The following PADI1 variants were observed in gnomAD, a reference collection of about 807,000 sequenced individuals.
PADI1 encodes the protein peptidyl arginine deiminase 1.
A neutral mutation model predicts 74.8 loss-of-function variants in PADI1; 65 were observed. The ratio of observed to expected loss-of-function variants is 0.87; its 90% CI spans 0.71 to 1.07. PADI1 has a LOEUF of 1.07. Ranked by LOEUF, PADI1 falls within the 50% of genes least tolerant of loss-of-function variation. The pLI is 0.00. For synonymous variants in PADI1, 371 were observed against 336.2 expected (o/e 1.10, Z -1.13); for missense variants, 943 against 854.0 (o/e 1.10, Z -1.30).
chr1:17,228,292 A>T (rs2072381198), intron 6 of PADI1, among the ~76,000 whole-genome samples: 1 of 152,160 alleles, frequency 6.6e-6, no homozygotes, highest in African/African-American at 2.4e-5. Context: ...ATTACTTTTT[A>T]CGAATTAATA....
chr1:17,231,937 GTGTTTGTT>G (rs67734137), intron 10 of PADI1, among the ~76,000 whole-genome samples: 14 of 150,834 alleles, frequency 9.3e-5, no homozygotes, highest in African/African-American at 2.4e-4. Context: ...AAAAAAACAC[GTGTTTGTT>G]TGTTTGTTTT....
At chr1:17,205,971 C>T (rs1478084605) in intron 1 of PADI1, among the ~76,000 whole-genome samples, 1 of 152,174 alleles carries the variant, frequency 6.6e-6, no homozygotes, top group Non-Finnish European at 1.5e-5. Flanking sequence ...GTAGCATTTG[C>T]TTCTCCTGTT....
At chr1:17,206,544 G>C (rs2071687002) in intron 1 of PADI1, among the ~76,000 whole-genome samples, 1 of 152,176 alleles carries the variant, frequency 6.6e-6, no homozygotes, top group African/African-American at 2.4e-5. Context: ...GCCAGATTTA[G>C]CAAATAAAAA....
chr1:17,235,993 T>C (rs1030222643), intron 11 of PADI1, among the ~76,000 whole-genome samples: 3 of 152,112 alleles, frequency 2.0e-5, no homozygotes, highest in Non-Finnish European at 4.4e-5. Flanking sequence ...CTTTGGTGGA[T>C]AGATAGGACC....
chr1:17,211,338 G>A (rs566249656), intron 1 of PADI1, among the ~76,000 whole-genome samples: 22 of 152,160 alleles, frequency 1.4e-4, no homozygotes, highest in Admixed American at 5.9e-4. Flanking sequence ...ACCATGCCCA[G>A]CTAGTTTTTT....
In PADI1 at chr1:17,226,178, C is replaced by CT; in HGVS notation, c.652+24dup. 1.2e-6 allele frequency: 2 copies of CT among 1,613,484 alleles called. No individual in the cohort carries two copies. Among genetic ancestry groups the CT allele is most frequent in the African/African-American group, 1.3e-5 (1 of 75,042 alleles). On this transcript the variant is annotated intron_variant, in intron 6 of 15. Transcript: ENST00000375471. ...CCAGGGGTGAGTGGCCTGATGGGGC[C>CT]TTTTCCTCCCAGCTCCATCCATATC...
In PADI1 at chr1:17,230,213, G is replaced by A. The variant is rs2072447842; in HGVS notation, c.1053+5G>A. ...CGAAATGACCGCTGGATCCAGGTGG[G>A]AGCTGGGGGCAGCTCGGGAAGCCTG... On this transcript the variant is annotated splice_donor_5th_base_variant and intron_variant, in intron 9 of 15. Coordinates refer to ENST00000375471, the MANE Select transcript of PADI1 (RefSeq NM_013358.3). The A allele has an allele frequency of 6.2e-7, 1 of 1,612,820 alleles. No individual in the cohort carries two copies. The highest frequency in any genetic ancestry group is 1.3e-5 in the African/African-American group (1 of 74,928).
chr1:17,224,869 G>T (rs1197467079), intron 4 of PADI1, among the ~76,000 whole-genome samples: 1 of 151,994 alleles, frequency 6.6e-6, no homozygotes, highest in Non-Finnish European at 1.5e-5. Context: ...GACAGAGTGG[G>T]CTCAAGGCGT....
At chr1:17,223,997 C>A (rs958563221) in intron 3 of PADI1, among the ~76,000 whole-genome samples, 1 of 152,264 alleles carries the variant, frequency 6.6e-6, no homozygotes, top group Non-Finnish European at 1.5e-5. Context: ...CAGCACGGAA[C>A]GTGCCCCCTT....
intron 12 of PADI1, 72 bp from the exon 13 acceptor site, chr1:17,238,537 CTCCTGAG>C: frequency 1.5e-6 from 1 of 667,296 alleles, no homozygotes; most frequent in Non-Finnish European, 2.3e-6. Context: ...TGTCAGGCCC[CTCCTGAG>C]TCCTGAGTCT....
Position 17,229,021 on chromosome 1 carries a change from C to G in PADI1, c.899C>G (p.Thr300Ser). Residue 300 changes from threonine to serine, a missense_variant, in exon 8 of 16, where the codon ACT (threonine) becomes AGT (serine). By Grantham distance (58) the Thr-to-Ser change is moderately conservative. Transcript: ENST00000375471. ...GCCCCCTGGATCATGACGCCCAACACTCAGCCTCCTGAGGAGCTGTATGTG... is the reference window on the plus strand; with the variant it reads ...GCCCCCTGGATCATGACGCCCAACAGTCAGCCTCCTGAGGAGCTGTATGTG... ...RMAPWIMTPNTQPPEELYVCR... is the reference protein window; with the variant it reads ...RMAPWIMTPNSQPPEELYVCR... 6.3e-7 allele frequency: 1 copy of G among 1,580,936 alleles called. No homozygotes were observed. The highest frequency in any genetic ancestry group is 8.6e-7 in the Non-Finnish European group (1 of 1,162,030).
intron 1 of PADI1, among the ~76,000 whole-genome samples, chr1:17,212,827 A>G (rs1194738039): frequency 6.6e-6 from 1 of 152,182 alleles, no homozygotes; most frequent in Non-Finnish European, 1.5e-5. Context: ...AGACAAGGAC[A>G]AGAAGATCAC....
At chr1:17,238,767 G>T in intron 13 of PADI1, 58 bp downstream of exon 13, 1 of 865,058 alleles carries the variant, frequency 1.2e-6, no homozygotes, top group South Asian at 2.3e-5. Flanking sequence ...CACCATCCTT[G>T]GGTACAGCCC....
chr1:17,220,975 G>A (rs572820116), intron 1 of PADI1, among the ~76,000 whole-genome samples: 16 of 152,354 alleles, frequency 1.1e-4, no homozygotes, highest in African/African-American at 3.8e-4. Flanking sequence ...GGAGCAGCTG[G>A]TGGTGTGAGG....
rs2072857451 is a variant in PADI1, at chr1:17,245,111, G to A, written c.*868G>A. The A allele has an allele frequency of 6.5e-6, 1 of 153,292 alleles. No homozygotes were observed. Among genetic ancestry groups the A allele is most frequent in the African/African-American group, 2.4e-5 (1 of 41,446 alleles). The allele number at this position is 153,292 out of a possible 1,614,324, so 9.5% of individuals were successfully genotyped here. ...TGGGATTTTGGACTCTGGATTTGAA[G>A]GGAGCTGGAGCTTCCAGATGTAGCA... On this transcript the variant is annotated 3_prime_UTR_variant, in exon 16 of 16. Coordinates refer to ENST00000375471, the MANE Select transcript of PADI1 (RefSeq NM_013358.3). This position sits in a 1 kb window ranked among gnomAD's most constrained non-coding sequence, Gnocchi z 4.1.
At position 17,238,786 on chromosome 1, in the gene PADI1, G is replaced by T. The variant is rs1026863589; in HGVS notation, c.1552+77G>T. ...ATCCTTGGGTACAGCCCCTGCACCT[G>T]CAGATCTCTCAGCTGGACTCAGAAC... is the stretch of plus-strand genomic sequence containing the variant. On this transcript the variant is annotated intron_variant, in intron 13 of 15. Coordinates refer to ENST00000375471, the MANE Select transcript of PADI1 (RefSeq NM_013358.3). 24 of 654,798 alleles carry T rather than the reference G, an allele frequency of 3.7e-5. No homozygotes were observed. The Admixed American group carries it at 7.0e-4, about 19-fold the overall frequency. The allele number at this position is 654,798 out of a possible 1,614,324, so 40.6% of individuals were successfully genotyped here.
intron 1 of PADI1, among the ~76,000 whole-genome samples, chr1:17,214,333 C>T (rs1480830786): frequency 6.6e-6 from 1 of 152,046 alleles, no homozygotes; most frequent in Non-Finnish European, 1.5e-5. Context: ...GCAAAAGACC[C>T]CCCTGCCCCC....
chr1:17,219,124 G>A (rs2100431561), intron 1 of PADI1, among the ~76,000 whole-genome samples: 1 of 152,330 alleles, frequency 6.6e-6, no homozygotes, highest in East Asian at 1.9e-4. Context: ...CGTGGTGCAG[G>A]TGCAGAGGGG....
intron 11 of PADI1, among the ~76,000 whole-genome samples, chr1:17,234,411 T>A (rs1361219668): frequency 6.6e-6 from 1 of 152,210 alleles, no homozygotes; most frequent in Non-Finnish European, 1.5e-5. Flanking sequence ...CAACCACCTC[T>A]TGAATGCTTA....
Sources: gnomAD v4.1 joint callset for allele counts (sites outside exome capture counted in the v4.1 genomes callset) on GRCh38, gnomAD v4.1.1 for gene constraint, Gnocchi (gnomAD v3.1) non-coding constraint, MANE v1.5 for transcripts, NCBI Gene and HGNC (gene_info 2026-07-23, HGNC 2026-07-21) for gene names.